The following TBC1D5 variants were observed in gnomAD, a reference collection of about 807,000 sequenced individuals.
The protein encoded by TBC1D5 is TBC1 domain family, member 5.
Under a neutral mutation model 100.3 loss-of-function variants are expected in TBC1D5, and 75 were observed. That is an observed-to-expected ratio of 0.75 (90% confidence interval 0.62 to 0.91). TBC1D5 has a LOEUF of 0.91. TBC1D5 is among the 40% of genes least tolerant of loss of function. The probability of loss-of-function intolerance (pLI) is 0.00; values close to 1 mark genes in which losing one functional copy is unlikely to be tolerated. For missense variants in TBC1D5, 910 were observed against 942.4 expected (o/e 0.97, Z 0.45); for synonymous variants, 323 against 325.6 (o/e 0.99, Z 0.09).
intron 8 of TBC1D5, among the ~76,000 whole-genome samples, chr3:17,399,956 C>G (rs1187414095): frequency 6.6e-6 from 1 of 152,112 alleles, no homozygotes; most frequent in Non-Finnish European, 1.5e-5. Context: ...TCTCCAATCA[C>G]TATTCCTAAA....
chr3:17,616,574 G>A (rs145969899), intron 2 of TBC1D5, among the ~76,000 whole-genome samples: 7 of 152,196 alleles, frequency 4.6e-5, no homozygotes, highest in African/African-American at 1.7e-4. Flanking sequence ...GGGTGCTCCT[G>A]TATTGGGTGC....
At position 17,393,141 on chromosome 3, in the gene TBC1D5, G is replaced by C. The variant is rs75364704; in HGVS notation, c.510-9126C>G. 2.0e-3 allele frequency among the ~76,000 whole-genome samples: 302 copies of C among 149,534 alleles called. 11 individuals carry two copies. The East Asian group carries it at 0.054, about 27-fold the overall frequency. The stretch of plus-strand genomic sequence containing the variant: ...AGGTTTTTTTTTTTCCATGTTTGTT[G>C]GCCGCATAAATGTCTTCCTTTGAGA... On this transcript the variant is annotated intron_variant, in intron 8 of 21. Transcript: ENST00000253692.
chr3:17,177,825 G>A (rs1225403585), intron 19 of TBC1D5, among the ~76,000 whole-genome samples: 1 of 152,070 alleles, frequency 6.6e-6, no homozygotes, highest in Admixed American at 6.5e-5. Context: ...GGCATGTAAT[G>A]CATAATAATC....
chr3:17,394,296 T>C (rs1029969165), intron 8 of TBC1D5, among the ~76,000 whole-genome samples: 2 of 152,140 alleles, frequency 1.3e-5, no homozygotes, highest in Non-Finnish European at 2.9e-5. Flanking sequence ...ACTGAAGGTA[T>C]TTAATAAACA....
chr3:17,487,266 T>A (rs571335185), intron 3 of TBC1D5, among the ~76,000 whole-genome samples: 4 of 152,184 alleles, frequency 2.6e-5, no homozygotes, highest in Admixed American at 6.5e-5. Flanking sequence ...GACCTCAGAT[T>A]GACATTTGAC....
intron 16 of TBC1D5, among the ~76,000 whole-genome samples, chr3:17,243,794 ACT>A (rs2076505012): frequency 6.6e-6 from 1 of 152,162 alleles, no homozygotes; most frequent in Non-Finnish European, 1.5e-5. Flanking sequence ...CAGTGATGAC[ACT>A]GAAGAAAATT....
At chr3:17,477,650 T>C (rs1276314523) in intron 3 of TBC1D5, among the ~76,000 whole-genome samples, 1 of 152,070 alleles carries the variant, frequency 6.6e-6, no homozygotes, top group Non-Finnish European at 1.5e-5. Context: ...TTCTCATTTT[T>C]AAAATTTTCA....
chr3:17,679,754 A>C (rs1396850335), intron 1 of TBC1D5, among the ~76,000 whole-genome samples: 1 of 151,598 alleles, frequency 6.6e-6, no homozygotes, highest in African/African-American at 2.4e-5. Flanking sequence ...TCATTTTATA[A>C]AAACTTATCA....
At position 17,668,246 on chromosome 3, in the gene TBC1D5, G is replaced by A. The variant is rs537607094; in HGVS notation, c.-100-44333C>T. ...GAAATGTGTATGAGCTGAGAAAGGAGGAAATAAAAGCACTAGAGGAATGGG... is the reference window on the plus strand; with the variant it reads ...GAAATGTGTATGAGCTGAGAAAGGAAGAAATAAAAGCACTAGAGGAATGGG... On this transcript the variant is annotated intron_variant, in intron 1 of 21. Transcript: ENST00000253692. Among the ~76,000 whole-genome samples, 7 of 150,662 alleles carry A rather than the reference G, an allele frequency of 4.6e-5. No homozygotes were observed. The East Asian group carries it at 1.2e-3, about 25-fold the overall frequency.
exon 22 of TBC1D5, chr3:17,160,831 TG>T: frequency 8.3e-7 from 1 of 1,211,504 alleles, no homozygotes; most frequent in Non-Finnish European, 1.1e-6. Flanking sequence ...TTCAAAGGGC[TG>T]GACCAATGCA....
At chr3:17,672,009 A>G (rs892502437) in intron 1 of TBC1D5, among the ~76,000 whole-genome samples, 1 of 152,210 alleles carries the variant, frequency 6.6e-6, no homozygotes, top group African/African-American at 2.4e-5. Flanking sequence ...AGTTAATAAA[A>G]CTGATAGTCT....
intron 18 of TBC1D5, among the ~76,000 whole-genome samples, chr3:17,210,190 C>T (rs2072776357): frequency 6.8e-6 from 1 of 146,928 alleles, no homozygotes; most frequent in African/African-American, 2.5e-5. Flanking sequence ...TTTTTCAGAA[C>T]TTTTTTTTTT....
rs1373161385 is a variant in TBC1D5, at chr3:17,376,586, C to T, written c.640G>A (p.Val214Ile). The T allele has an allele frequency of 4.3e-6, 7 of 1,612,718 alleles. No homozygotes were observed. In the Admixed American group the frequency reaches 5.0e-5, roughly 12 times the overall value. Residue 214 changes from valine (V) to isoleucine (I), a missense_variant, in exon 10 of 22, where the codon GTC (valine) becomes ATC (isoleucine). By Grantham distance (29) the Val-to-Ile change is conservative. Transcript: ENST00000253692. Reference sequence around the variant, plus strand: ...TGGTGGTCACAGTGAAGGACAAAGACTATAGGTGCTAACAGTTCGTGCATG... The same window carrying T: ...TGGTGGTCACAGTGAAGGACAAAGATTATAGGTGCTAACAGTTCGTGCATG...
chr3:17,650,649 C>CA (rs1193048299), intron 1 of TBC1D5, among the ~76,000 whole-genome samples: 1 of 152,200 alleles, frequency 6.6e-6, no homozygotes, highest in Non-Finnish European at 1.5e-5. Context: ...AGGGCTTTCA[C>CA]ATAGTGGCTC....
chr3:17,426,835 A>C (rs2094346861), intron 4 of TBC1D5, among the ~76,000 whole-genome samples: 1 of 152,054 alleles, frequency 6.6e-6, no homozygotes, highest in African/African-American at 2.4e-5. Context: ...AATACAATTC[A>C]CCAACAAAAT....
rs185664662 is a variant in TBC1D5, at chr3:17,276,651, G to C, written c.1245+15244C>G. On this transcript the variant is annotated intron_variant, in intron 15 of 21. Coordinates refer to ENST00000253692, the Ensembl canonical transcript of TBC1D5. ...TAACTTTTAGTTTTTCCCTTAGAGA[G>C]AGCCATCTCAATGAGCCCAGGAGGT... is the stretch of plus-strand genomic sequence containing the variant. Among the ~76,000 whole-genome samples the C allele has an allele frequency of 8.8e-4, 134 of 152,264 alleles. 1 individual carries two copies. Among genetic ancestry groups the C allele is most frequent in the African/African-American group, 3.1e-3 (129 of 41,552 alleles).
chr3:17,657,333 T>C (rs981084364), intron 1 of TBC1D5, among the ~76,000 whole-genome samples: 68 of 147,166 alleles, frequency 4.6e-4, no homozygotes, highest in African/African-American at 1.5e-3. Context: ...TTCTTTCTTT[T>C]TTTTTTTTTT....
chr3:17,711,746 C>A (rs2074756850), intron 1 of TBC1D5, among the ~76,000 whole-genome samples: 1 of 152,032 alleles, frequency 6.6e-6, no homozygotes, highest in South Asian at 2.1e-4. Context: ...ATAAATATGC[C>A]ATAACTTTTT....
intron 13 of TBC1D5, among the ~76,000 whole-genome samples, chr3:17,316,328 G>A (rs283926): frequency 0.3 from 45,719 of 152,060 alleles, 7,301 homozygotes; most frequent in Middle Eastern, 0.4. Context: ...TTCATGAGAA[G>A]TATAAAACAG....
Sources: gnomAD v4.1 joint callset for allele counts (sites outside exome capture counted in the v4.1 genomes callset) on GRCh38, gnomAD v4.1.1 for gene constraint, MANE v1.5 for transcripts, NCBI Gene and HGNC (gene_info 2026-07-23, HGNC 2026-07-21) for gene names.